The following IFFO2 variants were observed in gnomAD, a reference collection of about 807,000 sequenced individuals.
IFFO2 encodes intermediate filament family orphan 2.
IFFO2 carries 19 observed loss-of-function variants against 53.5 expected under a neutral mutation model. That is an observed-to-expected ratio of 0.36 (90% CI 0.25 to 0.52). IFFO2 has a LOEUF of 0.52. Ranked by LOEUF, IFFO2 falls within the 20% of genes least tolerant of loss-of-function variation. The pLI is 0.94. For missense variants in IFFO2, 570 were observed against 727.4 expected, an observed-to-expected ratio of 0.78 and a Z score of 2.49; for synonymous variants, 303 against 313.6, an observed-to-expected ratio of 0.97 and a Z score of 0.36.
intron 2 of IFFO2, among the ~76,000 whole-genome samples, chr1:18,920,144 A>G (rs533016538): frequency 1.3e-5 from 2 of 152,218 alleles, no homozygotes; most frequent in Non-Finnish European, 2.9e-5. Context: ...CATGCGTCTG[A>G]AGAGCGTGGG....
chr1:18,914,885 G>T lies in IFFO2; in HGVS notation c.1103+2018C>A, dbSNP rs1056998662. 3.3e-5 allele frequency among the ~76,000 whole-genome samples: 5 copies of T among 151,642 alleles called. No individual in the cohort carries two copies. The East Asian group carries it at 5.8e-4, about 18-fold the overall frequency. On this transcript the variant is annotated intron_variant, in intron 5 of 8. Transcript: ENST00000455833. ...AAAAGATGAGAATATGAGATGGGGG[G>T]TATCAAAAGAGGAATCAAGAATCTA... is the stretch of plus-strand genomic sequence containing the variant.
intron 1 of IFFO2, among the ~76,000 whole-genome samples, chr1:18,929,666 G>T (rs74056687): frequency 6.6e-6 from 1 of 151,724 alleles, no homozygotes; most frequent in Non-Finnish European, 1.5e-5. Flanking sequence ...GACTTGAGAG[G>T]TGAGAGGTGA....
rs528847611 is a variant in IFFO2, at chr1:18,912,751, G to A, written c.1104-668C>T. 2.7e-5 allele frequency among the ~76,000 whole-genome samples: 4 copies of A among 149,864 alleles called. 1 individual carries two copies. The highest frequency in any genetic ancestry group is 9.8e-5 in the African/African-American group (4 of 40,880). ...CATAACTATCGTTCCCATTTTGCAG[G>A]TGAGGAAACAGAGGCTCAGAGGGAT... is the stretch of plus-strand genomic sequence containing the variant. On this transcript the variant is annotated intron_variant, in intron 5 of 8. Transcript: ENST00000455833.
rs1466915479 is a variant in IFFO2 at position 18,917,208 on chromosome 1, G to A, written c.964-166C>T. 6.6e-6 allele frequency among the ~76,000 whole-genome samples: 1 copy of A among 152,210 alleles called. No homozygotes were observed. The highest frequency in any genetic ancestry group is 1.5e-5 in the Non-Finnish European group (1 of 68,040). ...TCTAAGAAGCAGGCGGCGTTAGCAG[G>A]AAGCGCGAGGTGGGAGACATGCAGG... On this transcript the variant is annotated intron_variant, in intron 4 of 8. Transcript: ENST00000455833. The surrounding 1 kb of genome is among the most constrained non-coding windows in gnomAD (Gnocchi z 5.9).
chr1:18,911,316 C>T (rs78931394), intron 7 of IFFO2, 68 bp downstream of exon 7: 7 of 787,724 alleles, frequency 8.9e-6, no homozygotes, highest in South Asian at 3.2e-5. Context: ...GGTGTTTGAT[C>T]GCCAGGATCT....
At chr1:18,951,175 A>G (rs2148192798) in intron 1 of IFFO2, among the ~76,000 whole-genome samples, 1 of 152,306 alleles carries the variant, frequency 6.6e-6, no homozygotes, top group African/African-American at 2.4e-5. Flanking sequence ...TACTTTTTGG[A>G]CAGTCTGGGA....
At chr1:18,937,751 C>G (rs769182888) in intron 1 of IFFO2, among the ~76,000 whole-genome samples, 1 of 152,238 alleles carries the variant, frequency 6.6e-6, no homozygotes, top group Non-Finnish European at 1.5e-5. Context: ...AGGCTCCCAA[C>G]GGCCTGGCCC....
chr1:18,946,409 C>CT (rs71577809), intron 1 of IFFO2, among the ~76,000 whole-genome samples: 16,338 of 96,588 alleles, frequency 0.17, 1,815 homozygotes, highest in Non-Finnish European at 0.2. Flanking sequence ...TTGCCACTTT[C>CT]TTTTTTTTTT....
At chr1:18,937,099 A>G (rs1936459365) in intron 1 of IFFO2, among the ~76,000 whole-genome samples, 1 of 152,126 alleles carries the variant, frequency 6.6e-6, no homozygotes, top group Admixed American at 6.5e-5. Context: ...GCTCAGTGCA[A>G]CTCCAGAGAC....
At position 18,928,883 on chromosome 1, in the gene IFFO2, G is replaced by A. The variant is rs1475014758; in HGVS notation, c.666-7762C>T. Among the ~76,000 whole-genome samples the A allele has an allele frequency of 2.6e-5, 4 of 152,208 alleles. No individual in the cohort carries two copies. The highest frequency in any genetic ancestry group is 4.8e-5 in the African/African-American group (2 of 41,446). On this transcript the variant is annotated intron_variant, in intron 1 of 8. Transcript: ENST00000455833. This position sits in a 1 kb window ranked among gnomAD's most constrained non-coding sequence, Gnocchi z 4.9. ...TCCTTGGAGTCCAGAAGTGGTGACAGCCTCAGGGATACCAACTCCATCCGG... is the reference window on the plus strand; with the variant it reads ...TCCTTGGAGTCCAGAAGTGGTGACAACCTCAGGGATACCAACTCCATCCGG...
chr1:18,950,064 G>A (rs568898596), intron 1 of IFFO2, among the ~76,000 whole-genome samples: 3 of 152,322 alleles, frequency 2.0e-5, no homozygotes, highest in African/African-American at 4.8e-5. Context: ...CAAGGGACCC[G>A]AGGCGCTAGA....
rs1169370737 is a variant in IFFO2 at position 18,906,880 on chromosome 1, A to T, written c.*1681T>A. 1 of 152,198 alleles carries T rather than the reference A, an allele frequency of 6.6e-6. No individual in the cohort carries two copies. Among genetic ancestry groups the T allele is most frequent in the Non-Finnish European group, 1.5e-5 (1 of 68,054 alleles). The allele number at this position is 152,198 out of a possible 1,614,324, so 9.4% of individuals were successfully genotyped here. ...ACCAAATCGTGATAAATTACATCAC[A>T]CATAGTCACTAACACATTCTCACGC... is the stretch of plus-strand genomic sequence containing the variant. On this transcript the variant is annotated 3_prime_UTR_variant, in exon 9 of 9. Coordinates refer to ENST00000455833, the MANE Select transcript of IFFO2 (RefSeq NM_001136265.2).
At position 18,919,660 on chromosome 1, in the gene IFFO2, G is replaced by A; in HGVS notation, c.822+18C>T. On this transcript the variant is annotated intron_variant, in intron 3 of 8. Coordinates refer to ENST00000455833, the MANE Select transcript of IFFO2 (RefSeq NM_001136265.2). This position sits in a 1 kb window ranked among gnomAD's most constrained non-coding sequence, Gnocchi z 4.9. ...GTGGGGGAGGTCATGACACCCAGGG[G>A]CGGCGGGCGGCACTTACGTCACTCA... The A allele has an allele frequency of 6.5e-7, 1 of 1,533,226 alleles. No individual in the cohort carries two copies. Among genetic ancestry groups the A allele is most frequent in the South Asian group, 1.2e-5 (1 of 83,698 alleles). 95.0% of individuals were successfully genotyped at this position (1,533,226 alleles called of 1,614,324 possible).
chr1:18,930,507 G>A (rs573266149), intron 1 of IFFO2, among the ~76,000 whole-genome samples: 32 of 152,272 alleles, frequency 2.1e-4, no homozygotes, highest in African/African-American at 3.4e-4. Flanking sequence ...CAGAACCCCC[G>A]TCAGCAAAAC....
chr1:18,916,509 TAATCCCAGCACTTTGGGAGGCCA>T lies in IFFO2; in HGVS notation c.1103+371_1103+393del, dbSNP rs1936134870. ...GGCTGTGTGCAGTGGTTCACGCCTG[TAATCCCAGCACTTTGGGAGGCCA>T]AGGCAGAAGCATCGCTTGAGCTCAG... On this transcript the variant is annotated intron_variant, in intron 5 of 8. Coordinates refer to ENST00000455833, the MANE Select transcript of IFFO2 (RefSeq NM_001136265.2). The surrounding 1 kb of genome is among the most constrained non-coding windows in gnomAD (Gnocchi z 4.3). 6.6e-6 allele frequency among the ~76,000 whole-genome samples: 1 copy of T among 152,228 alleles called. No homozygotes were observed. The highest frequency in any genetic ancestry group is 1.5e-5 in the Non-Finnish European group (1 of 68,036).
Position 18,936,038 on chromosome 1 carries a change from G to C in IFFO2, c.666-14917C>G, listed in dbSNP as rs1169761978. Among the ~76,000 whole-genome samples, 1 of 151,842 alleles carries C rather than the reference G, an allele frequency of 6.6e-6. No homozygotes were observed. The highest frequency in any genetic ancestry group is 2.4e-5 in the African/African-American group (1 of 41,330). ...TCTTTCAAGATCAGGCCCATCTATGGGTCACAGCTGCAACTCCAGTGCCCA... is the reference window on the plus strand; with the variant it reads ...TCTTTCAAGATCAGGCCCATCTATGCGTCACAGCTGCAACTCCAGTGCCCA... On this transcript the variant is annotated intron_variant, in intron 1 of 8. Transcript: ENST00000455833. This position sits in a 1 kb window ranked among gnomAD's most constrained non-coding sequence, Gnocchi z 4.5.
chr1:18,912,156 G>T, intron 5 of IFFO2, 73 bp from the exon 6 acceptor site: 2 of 1,533,064 alleles, frequency 1.3e-6, no homozygotes, highest in Non-Finnish European at 1.8e-6. Context: ...GGACAGAAAG[G>T]GGCAGCTGCC....
At chr1:18,934,364 G>A (rs566181184) in intron 1 of IFFO2, among the ~76,000 whole-genome samples, 14 of 152,232 alleles carry the variant, frequency 9.2e-5, no homozygotes, top group Admixed American at 2.0e-4. Flanking sequence ...GAGCCACCGC[G>A]CCCAGCCTGG....
At chr1:18,925,852 A>ATGGG (rs1936278719) in intron 1 of IFFO2, among the ~76,000 whole-genome samples, 1 of 15,832 alleles carries the variant, frequency 6.3e-5, no homozygotes, top group Non-Finnish European at 1.3e-4. Context: ...GGATGGATGG[A>ATGGG]TTGGTTGGAT....
Sources: allele counts gnomAD v4.1 joint callset (sites outside exome capture counted in the v4.1 genomes callset), GRCh38; gene constraint gnomAD v4.1.1; non-coding constraint Gnocchi (gnomAD v3.1); transcripts MANE v1.5; gene names NCBI Gene and HGNC (gene_info 2026-07-23, HGNC 2026-07-21).